CPSF2: variants seen among roughly 807,000 people sequenced by gnomAD.
The protein encoded by CPSF2 is cleavage and polyadenylation specific factor 2.
CPSF2 carries 51 observed loss-of-function variants against 84.2 expected under a neutral mutation model. The ratio of observed to expected loss-of-function variants is 0.61; its 90% CI spans 0.48 to 0.77. The LOEUF (loss-of-function observed/expected upper bound fraction) is 0.77, where lower values mean the gene tolerates loss of function less well. Among genes scored for constraint, CPSF2 ranks in the 30% least tolerant of loss-of-function variants. The probability of loss-of-function intolerance (pLI) is 0.00; values close to 1 mark genes in which losing one functional copy is unlikely to be tolerated. For missense variants in CPSF2, 641 were observed against 929.4 expected (o/e 0.69, Z 4.03); for synonymous variants, 286 against 311.9 (o/e 0.92, Z 0.87).
intron 1 of CPSF2, among the ~76,000 whole-genome samples, chr14:92,123,884 T>C (rs1016220455): frequency 1.3e-5 from 2 of 152,224 alleles, no homozygotes; most frequent in African/African-American, 4.8e-5. Flanking sequence ...TCACTTTTAC[T>C]CCTCTATACA....
intron 7 of CPSF2, among the ~76,000 whole-genome samples, chr14:92,140,645 G>A (rs2069065184): frequency 6.6e-6 from 1 of 151,812 alleles, no homozygotes; most frequent in Non-Finnish European, 1.5e-5. Flanking sequence ...TGTTGGCCAG[G>A]ATGGTCTCGA....
chr14:92,141,058 T>C (rs1186420993), intron 7 of CPSF2, among the ~76,000 whole-genome samples: 1 of 152,200 alleles, frequency 6.6e-6, no homozygotes, highest in Non-Finnish European at 1.5e-5. Flanking sequence ...GAAGGGAATA[T>C]GATCTATATT....
At chr14:92,161,549 C>T (rs1305306142) in intron 15 of CPSF2, 103 bp from the exon 16 acceptor site, 21 of 776,962 alleles carry the variant, frequency 2.7e-5, no homozygotes, top group Non-Finnish European at 4.1e-5. Flanking sequence ...CAACCCATGT[C>T]CTGACCAATC....
At chr14:92,142,735 C>G (rs1287449306) in intron 8 of CPSF2, among the ~76,000 whole-genome samples, 2 of 152,124 alleles carry the variant, frequency 1.3e-5, no homozygotes, top group African/African-American at 4.8e-5. Flanking sequence ...GTAAGATTTT[C>G]ATTTAGAACA....
intron 7 of CPSF2, 47 bp from the exon 8 acceptor site, chr14:92,142,117 C>A: frequency 1.5e-6 from 2 of 1,324,142 alleles, no homozygotes; most frequent in Non-Finnish European, 2.0e-6. Flanking sequence ...AATTTTGTAG[C>A]ATAGTATTGT....
chr14:92,142,455 ATTG>A, intron 8 of CPSF2, 104 bp downstream of exon 8: 1 of 840,588 alleles, frequency 1.2e-6, no homozygotes, highest in Non-Finnish European at 1.9e-6. Context: ...TCTTGAAGAG[ATTG>A]TTAATAAGAT....
At chr14:92,148,795 A>ACG in intron 9 of CPSF2, among the ~76,000 whole-genome samples, 1 of 146,690 alleles carries the variant, frequency 6.8e-6, no homozygotes, top group African/African-American at 2.5e-5. Context: ...AAAGAAAGAA[A>ACG]TGTATATATA....
intron 2 of CPSF2, 47 bp from the exon 3 acceptor site, chr14:92,130,904 C>T: frequency 1.7e-6 from 2 of 1,188,758 alleles, no homozygotes; most frequent in Non-Finnish European, 2.4e-6. Context: ...ATTATATATG[C>T]CAGACTGTGC....
intron 11 of CPSF2, among the ~76,000 whole-genome samples, 168 bp downstream of exon 11, chr14:92,155,491 TA>T (rs2069277892): frequency 6.6e-6 from 1 of 152,294 alleles, no homozygotes; most frequent in African/African-American, 2.4e-5. Flanking sequence ...ACTTGAAACA[TA>T]AAAATAGAGA....
At chr14:92,141,840 G>A (rs2069082343) in intron 7 of CPSF2, among the ~76,000 whole-genome samples, 1 of 152,122 alleles carries the variant, frequency 6.6e-6, no homozygotes, top group South Asian at 2.1e-4. Context: ...GGTTACATTT[G>A]GCCTGGTCAT....
At chr14:92,139,118 A>T (rs532898569) in intron 7 of CPSF2, among the ~76,000 whole-genome samples, 2 of 152,186 alleles carry the variant, frequency 1.3e-5, no homozygotes, top group East Asian at 1.9e-4. Context: ...AGAAAAATAT[A>T]CTCTAAAAGA....
Position 92,171,556 on chromosome 14 carries a change from T to C in CPSF2, c.*9812T>C, listed in dbSNP as rs12588257. 2,055 of 152,358 alleles carry C rather than the reference T, an allele frequency of 0.013. 67 individuals are homozygous for C. The highest frequency in any genetic ancestry group is 0.13 in the East Asian group (658 of 5,168). 9.4% of individuals were successfully genotyped at this position (152,358 alleles called of 1,614,324 possible). On this transcript the variant is annotated 3_prime_UTR_variant, in exon 16 of 16. Transcript: ENST00000298875. Reference sequence around the variant, plus strand: ...TCTTCTATTTTCCCTACCCCGCTCCTGACATCAGCCATTTCTCCAAAGAGT... The same window carrying C: ...TCTTCTATTTTCCCTACCCCGCTCCCGACATCAGCCATTTCTCCAAAGAGT...
In CPSF2 at chr14:92,168,524, G is replaced by T. The variant is rs1009642632; in HGVS notation, c.*6780G>T. ...ACAGCTCTATTTTTTGGTGCTTTTC[G>T]TTCATTATTCACTCCATTTCATTTT... On this transcript the variant is annotated 3_prime_UTR_variant, in exon 16 of 16. Transcript: ENST00000298875. 2.6e-5 allele frequency: 4 copies of T among 151,984 alleles called. No individual in the cohort carries two copies. Among genetic ancestry groups the T allele is most frequent in the Non-Finnish European group, 4.4e-5 (3 of 67,996 alleles). 9.4% of individuals were successfully genotyped at this position (151,984 alleles called of 1,614,324 possible).
chr14:92,149,665 G>T lies in CPSF2; in HGVS notation c.1141-4693G>T, dbSNP rs1020106534. On this transcript the variant is annotated intron_variant, in intron 9 of 15. Coordinates refer to ENST00000298875, the MANE Select transcript of CPSF2 (RefSeq NM_017437.3). ...AAGTTCTTTCAGTAAAAGTTTTTTT[G>T]TTTTTTTTTGAGATGGGTCTTGCTC... is the stretch of plus-strand genomic sequence containing the variant. Among the ~76,000 whole-genome samples the T allele has an allele frequency of 1.5e-3, 225 of 150,702 alleles. 2 individuals carry two copies. Among genetic ancestry groups the T allele is most frequent in the African/African-American group, 5.2e-3 (215 of 41,070 alleles).
chr14:92,138,676 T>C (rs2069033386), intron 7 of CPSF2, among the ~76,000 whole-genome samples: 1 of 152,120 alleles, frequency 6.6e-6, no homozygotes, highest in African/African-American at 2.4e-5. Flanking sequence ...GTGATCCACC[T>C]GCCTTGGCCT....
chr14:92,138,554 C>T (rs913166769), intron 7 of CPSF2, among the ~76,000 whole-genome samples: 5 of 151,950 alleles, frequency 3.3e-5, no homozygotes, highest in Admixed American at 1.3e-4. Flanking sequence ...CTCAGCCTCC[C>T]GAGTAGCTGG....
In CPSF2 at chr14:92,157,959, A is replaced by G. The variant is rs2069313027; in HGVS notation, c.1821+75A>G. The stretch of plus-strand genomic sequence containing the variant: ...CAGGTTAGGACAGATAACATTAGAA[A>G]TACCGAGATGTGTGAGACAGACATG... On this transcript the variant is annotated intron_variant, in intron 13 of 15. Coordinates refer to ENST00000298875, the MANE Select transcript of CPSF2 (RefSeq NM_017437.3). This position sits in a 1 kb window ranked among gnomAD's most constrained non-coding sequence, Gnocchi z 4.0. 9.8e-7 allele frequency: 1 copy of G among 1,018,086 alleles called. No homozygotes were observed. Among genetic ancestry groups the G allele is most frequent in the Non-Finnish European group, 1.5e-6 (1 of 652,066 alleles). 63.1% of individuals were successfully genotyped at this position (1,018,086 alleles called of 1,614,324 possible). A position where few individuals can be genotyped will look rare whatever the true frequency, so the allele number is the denominator to read the frequency against.
At chr14:92,130,930 T>C (rs913632483) in intron 2 of CPSF2, 21 bp from the exon 3 acceptor site, 1 of 1,468,758 alleles carries the variant, frequency 6.8e-7, no homozygotes, top group Admixed American at 2.1e-5. Flanking sequence ...TGTTTAATTA[T>C]GTTTTCATTT....
chr14:92,122,193 G>T, intron 1 of CPSF2, 65 bp downstream of exon 1: 1 of 323,662 alleles, frequency 3.1e-6, no homozygotes. Flanking sequence ...TGGCCCTCCG[G>T]GAGCACGGGG....
Sources: gnomAD v4.1 joint callset for allele counts (sites outside exome capture counted in the v4.1 genomes callset) on GRCh38, gnomAD v4.1.1 for gene constraint, Gnocchi (gnomAD v3.1) non-coding constraint, MANE v1.5 for transcripts, NCBI Gene and HGNC (gene_info 2026-07-23, HGNC 2026-07-21) for gene names.